ZNF516: variants seen among roughly 807,000 people sequenced by gnomAD.
ZNF516 encodes the protein zinc finger protein 516.
A neutral mutation model predicts 79.7 loss-of-function variants in ZNF516; 19 were observed. The ratio of observed to expected loss-of-function variants is 0.24; its 90% CI spans 0.17 to 0.35. The LOEUF (loss-of-function observed/expected upper bound fraction) is 0.35. Among genes scored for constraint, ZNF516 ranks in the 10% least tolerant of loss-of-function variants. The pLI is 1.00. For missense variants in ZNF516, 1,678 were observed against 1,679.5 expected, an observed-to-expected ratio of 1.00 and a Z score of 0.02; for synonymous variants, 877 against 739.5, an observed-to-expected ratio of 1.19 and a Z score of -3.02.
chr18:76,425,610 G>A (rs150579046), intron 3 of ZNF516, among the ~76,000 whole-genome samples: 13 of 152,288 alleles, frequency 8.5e-5, no homozygotes, highest in Middle Eastern at 3.4e-3. Flanking sequence ...CAGGAAGACC[G>A]AAGGAATTCT....
At chr18:76,414,611 A>C (rs930012212) in intron 3 of ZNF516, among the ~76,000 whole-genome samples, 4 of 152,244 alleles carry the variant, frequency 2.6e-5, no homozygotes, top group African/African-American at 7.2e-5. Flanking sequence ...TCTTCACCCG[A>C]AGAAGGTTAC....
At chr18:76,382,270 A>C (rs1044458666) in intron 3 of ZNF516, among the ~76,000 whole-genome samples, 1 of 152,236 alleles carries the variant, frequency 6.6e-6, no homozygotes, top group African/African-American at 2.4e-5. Flanking sequence ...ACCACGGATA[A>C]AAACATGGAA....
chr18:76,402,825 G>A (rs765074495), intron 3 of ZNF516, among the ~76,000 whole-genome samples: 20 of 152,346 alleles, frequency 1.3e-4, no homozygotes, highest in Non-Finnish European at 2.6e-4. Flanking sequence ...GGCAGCTGCC[G>A]TCTGCGCTCG....
intron 3 of ZNF516, among the ~76,000 whole-genome samples, chr18:76,425,348 AT>A (rs2075579755): frequency 6.6e-6 from 1 of 152,202 alleles, no homozygotes; most frequent in Admixed American, 6.5e-5. Context: ...TTGGCCACGG[AT>A]TTTTTCCACA....
Position 76,379,293 on chromosome 18 carries a change from C to T in ZNF516, c.2821G>A (p.Ala941Thr), listed in dbSNP as rs765789208. ...GGCTTGCTATTGGCCGAGGGCTGCG[C>T]GCCAGCCCGGGCGATGACGGTGGGC... ...PTPTVIARAG[A>T]QPSANSKPVE... Residue 941 changes from alanine to threonine, a missense_variant, in exon 4 of 7, where the codon GCG (alanine) becomes ACG (threonine). Coordinates refer to ENST00000443185, the MANE Select transcript of ZNF516 (RefSeq NM_014643.4). The T allele has an allele frequency of 1.7e-5, 28 of 1,609,458 alleles. No homozygotes were observed. The highest frequency in any genetic ancestry group is 1.1e-4 in the South Asian group (10 of 90,930).
chr18:76,491,200 C>G (rs1276080537), intron 1 of ZNF516: 1 of 782,590 alleles, frequency 1.3e-6, no homozygotes, highest in East Asian at 1.3e-4. Context: ...CGGTCCACGC[C>G]GCCGCGCGGA....
chr18:76,465,048 A>G (rs1267654926), intron 1 of ZNF516, among the ~76,000 whole-genome samples: 1 of 152,246 alleles, frequency 6.6e-6, no homozygotes, highest in Non-Finnish European at 1.5e-5. Context: ...GAGAGGCTCC[A>G]GAGGTGCCAG....
intron 3 of ZNF516, among the ~76,000 whole-genome samples, chr18:76,418,164 CTG>C (rs749892057): frequency 9.2e-5 from 14 of 152,160 alleles, no homozygotes; most frequent in South Asian, 6.2e-4. Flanking sequence ...CAGTAACACA[CTG>C]TAACACACGC....
chr18:76,383,840 C>A lies in ZNF516; in HGVS notation c.1811-3537G>T, dbSNP rs368395065. ...TAAGCCACAGAACAGACGGCTTCGC[C>A]CCTCGTCCCCGGCTCCTGGACCCAG... is the stretch of plus-strand genomic sequence containing the variant. On this transcript the variant is annotated intron_variant, in intron 3 of 6. Transcript: ENST00000443185. Among the ~76,000 whole-genome samples the A allele has an allele frequency of 1.3e-4, 20 of 152,358 alleles. No individual in the cohort carries two copies. The South Asian group carries it at 4.1e-3, about 32-fold the overall frequency.
At chr18:76,370,145 C>T (rs1014107452) in intron 6 of ZNF516, among the ~76,000 whole-genome samples, 8 of 152,216 alleles carry the variant, frequency 5.3e-5, no homozygotes, top group African/African-American at 1.9e-4. Context: ...ACTTTTCTTA[C>T]GGAATAACAC....
intron 1 of ZNF516, among the ~76,000 whole-genome samples, chr18:76,481,576 T>C (rs1174882030): frequency 3.3e-5 from 5 of 152,216 alleles, no homozygotes; most frequent in Admixed American, 3.3e-4. Flanking sequence ...GGGACTTTGA[T>C]GAAGTTACTC....
chr18:76,441,452 G>A lies in ZNF516; in HGVS notation c.1603C>T (p.Arg535Cys), dbSNP rs1319157505. The change falls in exon 3 of 7, where the codon CGC becomes TGC. Residue 535 changes from arginine to cysteine, a missense_variant. This residue lies in a region of ZNF516 where 1,294 missense variants were observed against 1,248.3 expected (regional missense o/e 1.04). Transcript: ENST00000443185. ...TCGCGGCGCGCGCGGCGATGCACGC[G>A]TGAGTGCAGCACCATCTGATGATAG... The part of the protein sequence containing the change: ...RTYHQMVLHS[R>C]VHRRARRERD... 1 of 1,606,036 alleles carries A rather than the reference G, an allele frequency of 6.2e-7. No homozygotes were observed. Among genetic ancestry groups the A allele is most frequent in the Non-Finnish European group, 8.5e-7 (1 of 1,177,588 alleles).
Position 76,383,831 on chromosome 18 carries a change from C to A in ZNF516, c.1811-3528G>T, listed in dbSNP as rs1056522752. Among the ~76,000 whole-genome samples the A allele has an allele frequency of 3.9e-5, 6 of 152,244 alleles. 1 individual carries two copies. Among genetic ancestry groups the A allele is most frequent in the Admixed American group, 3.9e-4 (6 of 15,292 alleles). ...CATCATCAGTAAGCCACAGAACAGA[C>A]GGCTTCGCCCCTCGTCCCCGGCTCC... On this transcript the variant is annotated intron_variant, in intron 3 of 6. Coordinates refer to ENST00000443185, the MANE Select transcript of ZNF516 (RefSeq NM_014643.4).
chr18:76,434,625 G>C (rs940902126), intron 3 of ZNF516, among the ~76,000 whole-genome samples: 1 of 152,222 alleles, frequency 6.6e-6, no homozygotes, highest in Non-Finnish European at 1.5e-5. Flanking sequence ...CTGTGGCTGT[G>C]GGACATCCCG....
At chr18:76,431,018 C>G (rs963670622) in intron 3 of ZNF516, among the ~76,000 whole-genome samples, 1 of 152,150 alleles carries the variant, frequency 6.6e-6, no homozygotes, top group African/African-American at 2.4e-5. Context: ...ACAAATATCC[C>G]TAGCTTTTTA....
Position 76,441,989 on chromosome 18 carries a change from T to C in ZNF516, c.1066A>G (p.Ile356Val). 6.2e-7 allele frequency: 1 copy of C among 1,613,336 alleles called. No homozygotes were observed. Among genetic ancestry groups the C allele is most frequent in the Non-Finnish European group, 8.5e-7 (1 of 1,179,812 alleles). Residue 356 changes from isoleucine (I) to valine (V), a missense_variant, in exon 3 of 7, where the codon ATC (isoleucine) becomes GTC (valine). By Grantham distance (29) the Ile-to-Val change is conservative (BLOSUM62 3). Around this residue, in one of 5 missense-constraint regions of ZNF516, gnomAD observed 1,294 missense variants for 1,248.3 expected, o/e 1.04. Coordinates refer to ENST00000443185, the MANE Select transcript of ZNF516 (RefSeq NM_014643.4). ...CGGCTGGCCTCGACTCTGCGGTGGA[T>C]GGCATTGTGGGCGTTCAAGCTGTCC... ...NLDSLNAHNA[I>V]HRRVEASRTR...
rs2074496796 is a variant in ZNF516 at position 76,359,178 on chromosome 18, T to G, written c.*3320A>C. On this transcript the variant is annotated 3_prime_UTR_variant, in exon 7 of 7. Coordinates refer to ENST00000443185, the MANE Select transcript of ZNF516 (RefSeq NM_014643.4). ...TATGCAACTCCCAATTGCTACTTCC[T>G]GAAGCACCTGCTTTTCAGGGAACCA... 1 of 152,270 alleles carries G rather than the reference T, an allele frequency of 6.6e-6. No homozygotes were observed. The highest frequency in any genetic ancestry group is 1.5e-5 in the Non-Finnish European group (1 of 68,048). 9.4% of individuals were successfully genotyped at this position (152,270 alleles called of 1,614,324 possible).
chr18:76,467,136 T>TTGTCCCAGAGAGGAAATGATTTGGGCAAA lies in ZNF516; in HGVS notation c.-271-3996_-271-3995insTTTGCCCAAATCATTTCCTCTCTGGGACA, dbSNP rs1913525097. 2.0e-5 allele frequency among the ~76,000 whole-genome samples: 3 copies of TTGTCCCAGAGAGGAAATGATTTGGGCAAA among 149,898 alleles called. No homozygotes were observed. Among genetic ancestry groups the TTGTCCCAGAGAGGAAATGATTTGGGCAAA allele is most frequent in the African/African-American group, 7.4e-5 (3 of 40,326 alleles). ...GCTGGCAGGAAGTCCTGCGTGTCTC[T>TTGTCCCAGAGAGGAAATGATTTGGGCAAA]CGGAACCTGCAGCTCACAGCCCTTC... On this transcript the variant is annotated intron_variant, in intron 1 of 6. Transcript: ENST00000443185. This position sits in a 1 kb window ranked among gnomAD's most constrained non-coding sequence, Gnocchi z 4.2.
intron 3 of ZNF516, chr18:76,387,785 G>T (rs2095631908): frequency 6.6e-6 from 1 of 152,248 alleles, no homozygotes; most frequent in Non-Finnish European, 1.5e-5. Flanking sequence ...AGGAGACAGG[G>T]AAATACTGGA....
Sources: allele counts gnomAD v4.1 joint callset (sites outside exome capture counted in the v4.1 genomes callset), GRCh38; gene constraint gnomAD v4.1.1; regional missense constraint gnomAD v4.1.1; non-coding constraint Gnocchi (gnomAD v3.1); transcripts MANE v1.5; gene names NCBI Gene and HGNC (gene_info 2026-07-23, HGNC 2026-07-21).